Variants in SNX19 observed in about 807,000 individuals in gnomAD.
SNX19 encodes the protein sorting nexin 19.
In SNX19, 60 loss-of-function variants were observed where a neutral mutation model predicts 85.2. The observed-to-expected ratio is 0.70, with a 90% CI of 0.57 to 0.87. SNX19 has a LOEUF of 0.87. Among genes scored for constraint, SNX19 ranks in the 40% least tolerant of loss-of-function variants. The probability of loss-of-function intolerance (pLI) is 0.00; values close to 1 mark genes in which losing one functional copy is unlikely to be tolerated. For synonymous variants in SNX19, 520 were observed against 470.0 expected, an observed-to-expected ratio of 1.11 and a Z score of -1.38; for missense variants, 1,201 against 1,217.8, an observed-to-expected ratio of 0.99 and a Z score of 0.21.
chr11:130,905,928 T>C (rs375999867), intron 7 of SNX19, 25 bp downstream of exon 7: 120 of 1,614,010 alleles, frequency 7.4e-5, no homozygotes, highest in Middle Eastern at 1.6e-4. Context: ...CCCTTCTCCA[T>C]GGGAGCAGAG....
chr11:130,886,772 T>C (rs1944111919), intron 8 of SNX19, among the ~76,000 whole-genome samples: 1 of 152,246 alleles, frequency 6.6e-6, no homozygotes, highest in Non-Finnish European at 1.5e-5. Flanking sequence ...CCCAGGCCTC[T>C]GTCTTCCTGC....
chr11:130,906,052 CT>C lies in SNX19; in HGVS notation c.2343del (p.Ala782ProfsTer39). On this transcript the variant is annotated frameshift_variant, in exon 7 of 11. Coordinates refer to ENST00000265909, the MANE Select transcript of SNX19 (RefSeq NM_014758.3). LOFTEE classifies it high-confidence loss of function. ...GGTTGTTCAGGATCTTTTTCTGGGG[CT>C]TTTGTTGGCTGCATTTCCAGTAACT... ...QTKLLEMQPT[K>X]APEKDPEQPP... 6.2e-7 allele frequency: 1 copy of C among 1,614,178 alleles called. No homozygotes were observed. Among genetic ancestry groups the C allele is most frequent in the Non-Finnish European group, 8.5e-7 (1 of 1,180,032 alleles).
intron 8 of SNX19, among the ~76,000 whole-genome samples, chr11:130,902,084 G>A (rs960615254): frequency 3.3e-5 from 5 of 152,138 alleles, no homozygotes; most frequent in Admixed American, 2.0e-4. Context: ...AAGCACATTG[G>A]CTTTGAAGTT....
At chr11:130,897,867 C>T (rs988310760) in intron 8 of SNX19, among the ~76,000 whole-genome samples, 1 of 152,200 alleles carries the variant, frequency 6.6e-6, no homozygotes, top group Non-Finnish European at 1.5e-5. Context: ...GTGCTACCCG[C>T]TCTCCCCTTC....
At chr11:130,901,170 G>A (rs1416555798) in intron 8 of SNX19, among the ~76,000 whole-genome samples, 1 of 152,132 alleles carries the variant, frequency 6.6e-6, no homozygotes, top group Non-Finnish European at 1.5e-5. Flanking sequence ...ATGCCAGTAG[G>A]CATCCCACAT....
intron 8 of SNX19, among the ~76,000 whole-genome samples, chr11:130,897,569 G>C (rs1169942984): frequency 6.6e-6 from 1 of 152,158 alleles, no homozygotes; most frequent in Non-Finnish European, 1.5e-5. Flanking sequence ...TCGTGGCATT[G>C]CTCTGGGTGT....
intron 4 of SNX19, 93 bp downstream of exon 4, chr11:130,909,925 C>A: frequency 6.5e-7 from 1 of 1,541,348 alleles, no homozygotes; most frequent in South Asian, 1.2e-5. Flanking sequence ...CCACACCCTA[C>A]TGCTCTTATT....
chr11:130,878,597 G>C, intron 10 of SNX19, 43 bp from the exon 11 acceptor site: 1 of 1,596,612 alleles, frequency 6.3e-7, no homozygotes, highest in Non-Finnish European at 8.5e-7. Context: ...GCTCAATCAG[G>C]AAACACAAGA....
At chr11:130,895,204 C>T (rs937312060) in intron 8 of SNX19, 26 of 985,370 alleles carry the variant, frequency 2.6e-5, no homozygotes, top group Middle Eastern at 5.2e-4. Flanking sequence ...CTGAAGGGCC[C>T]CCAAACCTCT....
rs1247730168 is a variant in SNX19 at position 130,893,976 on chromosome 11, AC to A, written c.2573+9278del. 5.2e-6 allele frequency: 3 copies of A among 581,934 alleles called. No individual in the cohort carries two copies. In the African/African-American group the frequency reaches 5.6e-5, roughly 11 times the overall value. The allele number at this position is 581,934 out of a possible 1,614,324, so 36.0% of individuals were successfully genotyped here. A position where few individuals can be genotyped will look rare whatever the true frequency, so the allele number is the denominator to read the frequency against. ...AGGTAAAGATCAAAAGTAAGCAATA[AC>A]ATATGGTTGCTTCTCCAAAACCAAG... is the stretch of plus-strand genomic sequence containing the variant. On this transcript the variant is annotated intron_variant, in intron 8 of 10. Transcript: ENST00000265909.
At position 130,877,038 on chromosome 11, in the gene SNX19, C is replaced by T. The variant is rs1033955237; in HGVS notation, c.*1384G>A. 1 of 152,242 alleles carries T rather than the reference C, an allele frequency of 6.6e-6. No individual in the cohort carries two copies. Among genetic ancestry groups the T allele is most frequent in the East Asian group, 1.9e-4 (1 of 5,192 alleles). 9.4% of individuals were successfully genotyped at this position (152,242 alleles called of 1,614,324 possible). On this transcript the variant is annotated 3_prime_UTR_variant, in exon 11 of 11. Coordinates refer to ENST00000265909, the MANE Select transcript of SNX19 (RefSeq NM_014758.3). ...TCACCGACTTCAGAATCTAAGAGAA[C>T]TTTGACACTTGTTTTTGACACCCCA... is the stretch of plus-strand genomic sequence containing the variant.
chr11:130,902,895 C>G (rs1425166064), intron 8 of SNX19, among the ~76,000 whole-genome samples: 1 of 152,186 alleles, frequency 6.6e-6, no homozygotes. Context: ...ACAGTGATGA[C>G]ATAATGTCAG....
chr11:130,880,838 A>C, intron 8 of SNX19, 32 bp from the exon 9 acceptor site: 2 of 1,505,894 alleles, frequency 1.3e-6, no homozygotes, highest in African/African-American at 2.7e-5. Context: ...AGCTTAGATA[A>C]AGCTGAAGGA....
At chr11:130,907,008 T>C (rs1945724619) in intron 5 of SNX19, among the ~76,000 whole-genome samples, 1 of 152,248 alleles carries the variant, frequency 6.6e-6, no homozygotes, top group Non-Finnish European at 1.5e-5. Context: ...TGTATTATGG[T>C]TATATTCCCA....
At chr11:130,891,358 G>C (rs1234702097) in intron 8 of SNX19, among the ~76,000 whole-genome samples, 1 of 98,244 alleles carries the variant, frequency 1.0e-5, no homozygotes, top group Non-Finnish European at 2.4e-5. Context: ...ACCTGGCTAT[G>C]CATTCCTCTG....
chr11:130,904,865 G>A (rs927054218), intron 7 of SNX19, among the ~76,000 whole-genome samples: 3 of 152,052 alleles, frequency 2.0e-5, no homozygotes, highest in Non-Finnish European at 4.4e-5. Flanking sequence ...CATCTTTACA[G>A]TCTCTTAGAG....
chr11:130,888,566 A>G (rs1944258540), intron 8 of SNX19, among the ~76,000 whole-genome samples: 1 of 152,208 alleles, frequency 6.6e-6, no homozygotes, highest in South Asian at 2.1e-4. Flanking sequence ...TACTGAACCC[A>G]TAATGGTTTC....
intron 8 of SNX19, among the ~76,000 whole-genome samples, chr11:130,895,647 G>A (rs998899643): frequency 6.6e-6 from 1 of 152,132 alleles, no homozygotes; most frequent in Non-Finnish European, 1.5e-5. Context: ...ATGATATTCT[G>A]TTTTTTGTTA....
intron 8 of SNX19, among the ~76,000 whole-genome samples, chr11:130,886,695 T>C (rs1944102777): frequency 6.6e-6 from 1 of 152,168 alleles, no homozygotes; most frequent in African/African-American, 2.4e-5. Context: ...CATTATCCAT[T>C]AAACAAAATG....
Sources: allele counts gnomAD v4.1 joint callset (sites outside exome capture counted in the v4.1 genomes callset), GRCh38; gene constraint gnomAD v4.1.1; transcripts MANE v1.5; gene names NCBI Gene and HGNC (gene_info 2026-07-23, HGNC 2026-07-21).